Variants in GGTA1 observed in about 807,000 individuals in gnomAD.
The protein encoded by GGTA1 is inactive N-acetyllactosaminide alpha-1,3-galactosyltransferase.
A neutral mutation model predicts 2.6 loss-of-function variants in GGTA1; 5 were observed. The observed-to-expected ratio is 1.92, with a 90% CI of 1.00 to 4.04. GGTA1 has a LOEUF of 4.04. Ranked by LOEUF, GGTA1 falls within the 30% of genes most tolerant of loss-of-function variation. The pLI, the probability that GGTA1 is intolerant of heterozygous loss-of-function variation, is 0.00. For missense variants in GGTA1, 50 were observed against 16.7 expected, an observed-to-expected ratio of 2.99 and a Z score of -3.47; for synonymous variants, 17 against 5.0, an observed-to-expected ratio of 3.38 and a Z score of -3.19.
In GGTA1 at chr9:121,484,420, A is replaced by T. The variant is rs548042303; in HGVS notation, c.-10+15230T>A. On this transcript the variant is annotated intron_variant, in intron 1 of 5. Transcript: ENST00000481799. ...TGTCGCCCAGGCTGAAGTAGCTGGGATTACAGGTGCCCACTACCATGCCCA... is the reference window on the plus strand; with the variant it reads ...TGTCGCCCAGGCTGAAGTAGCTGGGTTTACAGGTGCCCACTACCATGCCCA... Among the ~76,000 whole-genome samples, 99 of 151,660 alleles carry T rather than the reference A, an allele frequency of 6.5e-4. 1 individual carries two copies. Among genetic ancestry groups the T allele is most frequent in the South Asian group, 6.5e-3 (31 of 4,798 alleles).
chr9:121,461,218 TG>T (rs2064958273), intron 4 of GGTA1, 33 bp downstream of exon 4: 1 of 452,638 alleles, frequency 2.2e-6, no homozygotes, highest in African/African-American at 2.0e-5. Context: ...ACCAGGCGGG[TG>T]GGCAAACACC....
chr9:121,489,665 C>A (rs931605750), intron 1 of GGTA1, among the ~76,000 whole-genome samples: 3 of 152,306 alleles, frequency 2.0e-5, no homozygotes, highest in East Asian at 3.9e-4. Context: ...CCAGAGCTTC[C>A]ATTTTTCAAA....
At chr9:121,457,089 G>A (rs941870926) in intron 5 of GGTA1, among the ~76,000 whole-genome samples, 3 of 152,238 alleles carry the variant, frequency 2.0e-5, no homozygotes, top group Non-Finnish European at 2.9e-5. Context: ...GTGGAGAGAA[G>A]GGGATGAAGT....
chr9:121,452,511 T>C (rs2064883294), downstream of GGTA1, among the ~76,000 whole-genome samples: 1 of 151,946 alleles, frequency 6.6e-6, no homozygotes, highest in African/African-American at 2.4e-5. Flanking sequence ...TATCTTTTTT[T>C]TTTATTTTTA....
chr9:121,498,945 C>G (rs1182166122), intron 1 of GGTA1, among the ~76,000 whole-genome samples: 1 of 151,290 alleles, frequency 6.6e-6, no homozygotes, highest in Non-Finnish European at 1.5e-5. Flanking sequence ...TTGTGTTTAG[C>G]CGTTTTCCTG....
chr9:121,486,930 C>T (rs1828767805), intron 1 of GGTA1, among the ~76,000 whole-genome samples: 2 of 152,178 alleles, frequency 1.3e-5, no homozygotes, highest in Admixed American at 1.3e-4. Flanking sequence ...AACTCAGGTA[C>T]CCCTATTTGC....
intron 1 of GGTA1, among the ~76,000 whole-genome samples, chr9:121,480,264 G>T (rs1195071864): frequency 6.6e-6 from 1 of 151,854 alleles, no homozygotes. Flanking sequence ...CACCACGTTG[G>T]CCAGGATGGT....
intron 1 of GGTA1, among the ~76,000 whole-genome samples, chr9:121,492,231 C>A (rs1201740759): frequency 6.6e-6 from 1 of 152,142 alleles, no homozygotes. Flanking sequence ...GTTGGAGCAT[C>A]CATTTCCTGT....
chr9:121,474,286 T>A (rs573859405), intron 1 of GGTA1, among the ~76,000 whole-genome samples: 1 of 152,254 alleles, frequency 6.6e-6, no homozygotes, highest in African/African-American at 2.4e-5. Flanking sequence ...TCTGAATCCA[T>A]CCTATGGCCC....
intron 1 of GGTA1, among the ~76,000 whole-genome samples, chr9:121,484,923 G>T (rs1239147875): frequency 6.6e-6 from 1 of 152,154 alleles, no homozygotes; most frequent in Non-Finnish European, 1.5e-5. Context: ...GCTTGGAAAA[G>T]CTCAAACACA....
rs574155101 is a variant in GGTA1 at position 121,482,342 on chromosome 9, C to T, written c.-9-14411G>A. Among the ~76,000 whole-genome samples the T allele has an allele frequency of 7.2e-5, 11 of 152,274 alleles. No individual in the cohort carries two copies. The South Asian group carries it at 2.1e-3, about 29-fold the overall frequency. ...AATGAGCTGGGCATAGTGGCATGTG[C>T]CTGTAGTCCAGCTACTCAGAAGACT... On this transcript the variant is annotated intron_variant, in intron 1 of 5. Transcript: ENST00000481799.
chr9:121,451,308 C>A (rs919326794), downstream of GGTA1, among the ~76,000 whole-genome samples: 3 of 152,302 alleles, frequency 2.0e-5, no homozygotes, highest in Middle Eastern at 3.4e-3. Context: ...GCCTCAGCCT[C>A]CCAAGTAGCT....
chr9:121,475,629 C>A (rs1261579646), intron 1 of GGTA1, among the ~76,000 whole-genome samples: 1 of 152,174 alleles, frequency 6.6e-6, no homozygotes, highest in Non-Finnish European at 1.5e-5. Context: ...GGCTACTGTG[C>A]TCCAGATGGT....
intron 1 of GGTA1, among the ~76,000 whole-genome samples, chr9:121,473,115 T>A (rs1828427542): frequency 6.6e-6 from 1 of 151,710 alleles, no homozygotes; most frequent in Admixed American, 6.6e-5. Context: ...AGGTCAGGAG[T>A]TCGAGACCAG....
chr9:121,468,778 G>C (rs1194755011), intron 1 of GGTA1, among the ~76,000 whole-genome samples: 1 of 152,192 alleles, frequency 6.6e-6, no homozygotes, highest in African/African-American at 2.4e-5. Flanking sequence ...GGGTGCTAAG[G>C]CCACACTGGG....
intron 2 of GGTA1, among the ~76,000 whole-genome samples, chr9:121,465,413 C>T (rs1359448000): frequency 6.6e-6 from 1 of 152,212 alleles, no homozygotes; most frequent in African/African-American, 2.4e-5. Context: ...CCCTCTGGAG[C>T]AGATCATGAT....
At chr9:121,477,799 C>T (rs1250089579) in intron 1 of GGTA1, among the ~76,000 whole-genome samples, 3 of 151,914 alleles carry the variant, frequency 2.0e-5, no homozygotes, top group Admixed American at 1.3e-4. Context: ...ATGATGGTCT[C>T]GATTTCCTGA....
At chr9:121,469,087 G>A (rs10985259) in intron 1 of GGTA1, among the ~76,000 whole-genome samples, 9,421 of 152,196 alleles carry the variant, frequency 0.062, 337 homozygotes, top group East Asian at 0.11. Context: ...CACAGCAGGT[G>A]CATAGATATT....
At chr9:121,457,660 C>G (rs1437736317) in intron 5 of GGTA1, among the ~76,000 whole-genome samples, 1 of 149,218 alleles carries the variant, frequency 6.7e-6, no homozygotes, top group Non-Finnish European at 1.5e-5. Context: ...GAGATTGCGC[C>G]ACTGCACTCC....
Sources: allele counts gnomAD v4.1 joint callset (sites outside exome capture counted in the v4.1 genomes callset), GRCh38; gene constraint gnomAD v4.1.1; transcripts MANE v1.5; gene names NCBI Gene and HGNC (gene_info 2026-07-23, HGNC 2026-07-21).